The following AHNAK2 variants were observed in gnomAD, a reference collection of about 807,000 sequenced individuals.
AHNAK2 encodes the protein protein AHNAK2.
Under a neutral mutation model 30.7 loss-of-function variants are expected in AHNAK2, and 18 were observed. The ratio of observed to expected loss-of-function variants is 0.59; its 90% CI spans 0.41 to 0.87. AHNAK2 has a LOEUF of 0.87. Ranked by LOEUF, AHNAK2 falls within the 40% of genes least tolerant of loss-of-function variation. The pLI, the probability that AHNAK2 is intolerant of heterozygous loss-of-function variation, is 0.00. For missense variants in AHNAK2, 8,604 were observed against 7,373.0 expected (o/e 1.17, Z -6.11); for synonymous variants, 3,590 against 3,073.8 (o/e 1.17, Z -5.56).
At position 104,966,278 on chromosome 14, in the gene AHNAK2, A is replaced by G. The variant is rs2140879323; in HGVS notation, c.56-8606T>C. ...CCAGGCCCAGACCCCTGGCCTCCAT[A>G]ACCCCCCAGCAGAGCCACAACCTCC... On this transcript the variant is annotated intron_variant, in intron 1 of 6. Transcript: ENST00000333244. The surrounding 1 kb of genome is among the most constrained non-coding windows in gnomAD (Gnocchi z 4.3). Among the ~76,000 whole-genome samples, 1 of 151,766 alleles carries G rather than the reference A, an allele frequency of 6.6e-6. No individual in the cohort carries two copies. The highest frequency in any genetic ancestry group is 2.0e-4 in the East Asian group (1 of 5,122).
At position 104,941,846 on chromosome 14, in the gene AHNAK2, G is replaced by C. The variant is rs1898001882; in HGVS notation, c.13605C>G (p.His4535Gln). 6.2e-7 allele frequency: 1 copy of C among 1,612,634 alleles called. No individual in the cohort carries two copies. The highest frequency in any genetic ancestry group is 8.5e-7 in the Non-Finnish European group (1 of 1,179,456). ...GQVDLKLPEGHMPEVAGLKGH... is the reference protein window; with the variant it reads ...GQVDLKLPEGQMPEVAGLKGH... Reference sequence around the variant, plus strand: ...CTTTGAGGCCGGCTACCTCGGGCATGTGGCCTTCTGGAAGTTTCAAGTCCA... The same window carrying C: ...CTTTGAGGCCGGCTACCTCGGGCATCTGGCCTTCTGGAAGTTTCAAGTCCA... The change falls in exon 7 of 7, where the codon CAC (histidine) becomes CAG (glutamine). Residue 4535 changes from histidine to glutamine, a missense_variant. By Grantham distance (24) the His-to-Gln change is conservative. Coordinates refer to ENST00000333244, the MANE Select transcript of AHNAK2 (RefSeq NM_138420.4).
At position 104,952,952 on chromosome 14, in the gene AHNAK2, G is replaced by T; in HGVS notation, c.2499C>A (p.Phe833Leu). ...ATGGCATCTTGAACTTGGGCATTTT[G>T]AACTTGCTGTCTTTGGCAGTCACCT... is the stretch of plus-strand genomic sequence containing the variant. ...DKEVTAKDSK[F>L]KMPKFKMPSF... Residue 833 changes from phenylalanine (F) to leucine (L), a missense_variant, in exon 7 of 7, where the codon TTC becomes TTA. Physicochemically the swap from Phe to Leu is conservative, Grantham distance 22 (BLOSUM62 0). Coordinates refer to ENST00000333244, the MANE Select transcript of AHNAK2 (RefSeq NM_138420.4). The T allele has an allele frequency of 3.1e-6, 5 of 1,611,996 alleles. No homozygotes were observed. The highest frequency in any genetic ancestry group is 4.2e-6 in the Non-Finnish European group (5 of 1,179,382).
chr14:104,975,148 G>A (rs979742269), intron 1 of AHNAK2, among the ~76,000 whole-genome samples: 1 of 152,202 alleles, frequency 6.6e-6, no homozygotes. Context: ...GCCCAGCCAC[G>A]ACGAGCCCGG....
At position 104,950,409 on chromosome 14, in the gene AHNAK2, A is replaced by G. The variant is rs188549571; in HGVS notation, c.5042T>C (p.Val1681Ala). The change falls in exon 7 of 7, where the codon GTG becomes GCG. Residue 1681 changes from valine to alanine, a missense_variant. By Grantham distance (64) the Val-to-Ala change is moderately conservative. Coordinates refer to ENST00000333244, the MANE Select transcript of AHNAK2 (RefSeq NM_138420.4). ...TTCCACCTTCGGCTCAGACACATCC[A>G]CCGAGGCCTCGATGGACTTGCCTGG... ...SAPGKSIEASVDVSEPKVEAD... is the reference protein window; with the variant it reads ...SAPGKSIEASADVSEPKVEAD... 250 of 1,586,082 alleles carry G rather than the reference A, an allele frequency of 1.6e-4. 29 individuals are homozygous for G. In the Admixed American group the frequency reaches 3.1e-3, roughly 20 times the overall value.
Position 104,946,542 on chromosome 14 carries a change from T to G in AHNAK2, c.8909A>C (p.Asp2970Ala), listed in dbSNP as rs776926941. ...GAACTTGCTGTCTTTGGCAGTCACA[T>G]CCTTGTCGGCCAGGGACAGGTCACC... is the stretch of plus-strand genomic sequence containing the variant. Reference protein sequence around the residue: ...LEGDLSLADKDVTAKDSKFKM... With the variant: ...LEGDLSLADKAVTAKDSKFKM... The change falls in exon 7 of 7, where the codon GAT (aspartate) becomes GCT (alanine). Residue 2970 changes from aspartate (D) to alanine (A), a missense_variant. Asp to Ala is a moderately radical substitution (Grantham distance 126). Coordinates refer to ENST00000333244, the MANE Select transcript of AHNAK2 (RefSeq NM_138420.4). The G allele has an allele frequency of 1.2e-6, 2 of 1,610,814 alleles. No homozygotes were observed. The highest frequency in any genetic ancestry group is 1.1e-5 in the South Asian group (1 of 90,928).
intron 1 of AHNAK2, among the ~76,000 whole-genome samples, chr14:104,977,317 C>T (rs73357594): frequency 0.072 from 10,943 of 152,278 alleles, 1,130 homozygotes; most frequent in East Asian, 0.5. Flanking sequence ...TGCCCTGCCC[C>T]CCTCAGCCCT....
At chr14:104,978,101 C>T in intron 1 of AHNAK2, 82 bp downstream of exon 1, 2 of 1,127,476 alleles carry the variant, frequency 1.8e-6, no homozygotes, top group East Asian at 3.5e-5. Context: ...GCACTGCGCG[C>T]CCCTGGACAC....
In AHNAK2 at chr14:104,939,609, T is replaced by A. The variant is rs1220246267; in HGVS notation, c.15842A>T (p.His5281Leu). 1.2e-6 allele frequency: 2 copies of A among 1,613,830 alleles called. No homozygotes were observed. Among genetic ancestry groups the A allele is most frequent in the African/African-American group, 2.7e-5 (2 of 75,042 alleles). The change falls in exon 7 of 7, where the codon CAC becomes CTC. Residue 5281 changes from histidine (H) to leucine (L), a missense_variant. Coordinates refer to ENST00000333244, the MANE Select transcript of AHNAK2 (RefSeq NM_138420.4). ...CDLDSTGLKL[H>L]LSTAGMTGDE... ...CCCAGTCATCCCAGCAGTGGAGAGG[T>A]GCAGCTTCAAGCCTGTGCTGTCAAG...
In AHNAK2 at chr14:104,953,680, C is replaced by G; in HGVS notation, c.1771G>C (p.Gly591Arg). 6.2e-7 allele frequency: 1 copy of G among 1,613,888 alleles called. No homozygotes were observed. The highest frequency in any genetic ancestry group is 8.5e-7 in the Non-Finnish European group (1 of 1,179,860). Residue 591 changes from glycine to arginine, a missense_variant, in exon 7 of 7, where the codon GGA (glycine) becomes CGA (arginine). By Grantham distance (125) the Gly-to-Arg change is moderately radical. Transcript: ENST00000333244. ...RMPKFKIPSLGWSPSKHTKTG... is the reference protein window; with the variant it reads ...RMPKFKIPSLRWSPSKHTKTG... ...TTTGTGTGCTTGCTTGGCGACCATC[C>G]TAAGGAGGGTATCTTGAACTTGGGC... is the stretch of plus-strand genomic sequence containing the variant.
At position 104,946,868 on chromosome 14, in the gene AHNAK2, G is replaced by T. The variant is rs1456989509; in HGVS notation, c.8583C>A (p.Ile2861=). 4.3e-6 allele frequency: 7 copies of T among 1,612,726 alleles called. No homozygotes were observed. The East Asian group carries it at 1.6e-4, about 36-fold the overall frequency. Residue 2861 remains isoleucine, a synonymous_variant, in exon 7 of 7, where the codon ATC becomes ATA. Coordinates refer to ENST00000333244, the MANE Select transcript of AHNAK2 (RefSeq NM_138420.4). ...SMQGDLKTTD[I]RIQPPSAQLE... The stretch of plus-strand genomic sequence containing the variant: ...GTTGGGCGGAGGGGGGCTGAATGCG[G>T]ATGTCAGTGGTCTTAAGATCCCCTT...
intron 1 of AHNAK2, among the ~76,000 whole-genome samples, chr14:104,968,184 G>C (rs1899363416): frequency 6.6e-6 from 1 of 152,204 alleles, no homozygotes; most frequent in African/African-American, 2.4e-5. Flanking sequence ...TAACATTCCT[G>C]CGGGTGAAAA....
Position 104,937,829 on chromosome 14 carries a change from G to A in AHNAK2, c.*234C>T, listed in dbSNP as rs1897849947. The stretch of plus-strand genomic sequence containing the variant: ...GTGTGAATTCTGGTGTCTTGTGGAA[G>A]TCAGGGTGCCTTCTTTGCATCCAAA... On this transcript the variant is annotated 3_prime_UTR_variant, in exon 7 of 7. Transcript: ENST00000333244. 1 of 493,224 alleles carries A rather than the reference G, an allele frequency of 2.0e-6. No homozygotes were observed. Among genetic ancestry groups the A allele is most frequent in the African/African-American group, 1.9e-5 (1 of 51,460 alleles). 30.6% of individuals were successfully genotyped at this position (493,224 alleles called of 1,614,324 possible). A position where few individuals can be genotyped will look rare whatever the true frequency, so the allele number is the denominator to read the frequency against.
rs747334439 is a variant in AHNAK2, at chr14:104,937,905, T to C, written c.*158A>G. The C allele has an allele frequency of 1.4e-6, 1 of 739,436 alleles. No homozygotes were observed. Among genetic ancestry groups the C allele is most frequent in the Non-Finnish European group, 2.0e-6 (1 of 488,418 alleles). The allele number at this position is 739,436 out of a possible 1,614,324, so 45.8% of individuals were successfully genotyped here. A position where few individuals can be genotyped will look rare whatever the true frequency, so the allele number is the denominator to read the frequency against. ...GTTCCATTTTAGGAGGGCTGTGTGATGGTGACAAAGGTGTTCTGGTCATTT... is the reference window on the plus strand; with the variant it reads ...GTTCCATTTTAGGAGGGCTGTGTGACGGTGACAAAGGTGTTCTGGTCATTT... On this transcript the variant is annotated 3_prime_UTR_variant, in exon 7 of 7. Coordinates refer to ENST00000333244, the MANE Select transcript of AHNAK2 (RefSeq NM_138420.4).
chr14:104,967,231 A>C (rs2140880067), intron 1 of AHNAK2, among the ~76,000 whole-genome samples: 1 of 152,274 alleles, frequency 6.6e-6, no homozygotes, highest in South Asian at 2.1e-4. Flanking sequence ...AGCCCCACCC[A>C]GCTGGCAGGA....
At chr14:104,969,697 T>C (rs1296810090) in intron 1 of AHNAK2, among the ~76,000 whole-genome samples, 1 of 152,140 alleles carries the variant, frequency 6.6e-6, no homozygotes, top group Non-Finnish European at 1.5e-5. Flanking sequence ...GTGGGCCCAG[T>C]TCATCTCCTT....
chr14:104,951,955 G>A lies in AHNAK2; in HGVS notation c.3496C>T (p.Pro1166Ser). The A allele has an allele frequency of 6.2e-7, 1 of 1,611,820 alleles. No individual in the cohort carries two copies. The highest frequency in any genetic ancestry group is 1.1e-5 in the South Asian group (1 of 90,930). ...CCGAACGATGGCATCTTGAACTTGGGCATTTTGAACCTGCTGTCTTTGGCA... is the reference window on the plus strand; with the variant it reads ...CCGAACGATGGCATCTTGAACTTGGACATTTTGAACCTGCTGTCTTTGGCA... ...VTAKDSRFKM[P>S]KFKMPSFGAS... The change falls in exon 7 of 7, where the codon CCC (proline) becomes TCC (serine). Residue 1166 changes from proline to serine, a missense_variant. Physicochemically the swap from Pro to Ser is moderately conservative, Grantham distance 74. Transcript: ENST00000333244.
intron 1 of AHNAK2, among the ~76,000 whole-genome samples, chr14:104,967,223 C>T (rs536901347): frequency 1.3e-5 from 2 of 152,356 alleles, no homozygotes; most frequent in South Asian, 4.1e-4. Context: ...AGCCAAAAAG[C>T]CCCACCCAGC....
chr14:104,954,327 C>A lies in AHNAK2; in HGVS notation c.1124G>T (p.Ser375Ile), dbSNP rs771923580. ...CTGTTCTGCCCTCTCCTCTCTCCTG[C>A]TGCCTGTGGCAGCCCCAGTCTCCTC... ...SLEETGAATG[S>I]RREERAEQDR... The change falls in exon 7 of 7, where the codon AGC (serine) becomes ATC (isoleucine). Residue 375 changes from serine (S) to isoleucine (I), a missense_variant. By Grantham distance (142) the Ser-to-Ile change is moderately radical. Transcript: ENST00000333244. The surrounding 1 kb of genome is among the most constrained non-coding windows in gnomAD (Gnocchi z 4.3). 1 of 1,613,656 alleles carries A rather than the reference C, an allele frequency of 6.2e-7. No homozygotes were observed. The highest frequency in any genetic ancestry group is 1.1e-5 in the South Asian group (1 of 91,082).
In AHNAK2 at chr14:104,942,921, T is replaced by C; in HGVS notation, c.12530A>G (p.Lys4177Arg). 6.2e-7 allele frequency: 1 copy of C among 1,613,124 alleles called. No individual in the cohort carries two copies. The highest frequency in any genetic ancestry group is 8.5e-7 in the Non-Finnish European group (1 of 1,179,574). ...VSLPSMQGDLKTTDLSIQSPS... is the reference protein window; with the variant it reads ...VSLPSMQGDLRTTDLSIQSPS... ...GGACTGAATGCTGAGGTCAGTGGTC[T>C]TGAGGTCCCCCTGCATGGAGGGGAG... The change falls in exon 7 of 7, where the codon AAG (lysine) becomes AGG (arginine). Residue 4177 changes from lysine to arginine, a missense_variant. Lys to Arg is a conservative substitution (Grantham distance 26). Coordinates refer to ENST00000333244, the MANE Select transcript of AHNAK2 (RefSeq NM_138420.4).
Sources: allele counts gnomAD v4.1 joint callset (sites outside exome capture counted in the v4.1 genomes callset), GRCh38; gene constraint gnomAD v4.1.1; non-coding constraint Gnocchi (gnomAD v3.1); transcripts MANE v1.5; gene names NCBI Gene and HGNC (gene_info 2026-07-23, HGNC 2026-07-21).